SSH2: variants seen among roughly 807,000 people sequenced by gnomAD.
SSH2 encodes protein phosphatase Slingshot homolog 2.
A neutral mutation model predicts 135.2 loss-of-function variants in SSH2; 37 were observed. The ratio of observed to expected loss-of-function variants is 0.27; its 90% CI spans 0.21 to 0.36. The LOEUF is 0.36. Ranked by LOEUF, SSH2 falls within the 10% of genes least tolerant of loss-of-function variation. The pLI is 1.00. For missense variants in SSH2, 1,408 were observed against 1,765.3 expected (o/e 0.80, Z 3.63); for synonymous variants, 628 against 646.2 (o/e 0.97, Z 0.43).
Position 29,879,720 on chromosome 17 carries a change from TC to T in SSH2, c.64-30792del, listed in dbSNP as rs1372662870. Reference sequence around the variant, plus strand: ...CACCTGAAACAAAGAAGATCAACTGTCTTTTTCTTTGCAAAGTCTGCTCTAA... The same window carrying T: ...CACCTGAAACAAAGAAGATCAACTGTTTTTTCTTTGCAAAGTCTGCTCTAA... On this transcript the variant is annotated intron_variant, in intron 1 of 15. Transcript: ENST00000540801. Among the ~76,000 whole-genome samples the T allele has an allele frequency of 5.9e-5, 9 of 152,308 alleles. No individual in the cohort carries two copies. In the East Asian group the frequency reaches 1.7e-3, roughly 29 times the overall value.
intron 3 of SSH2, among the ~76,000 whole-genome samples, chr17:29,740,471 G>C (rs2040518678): frequency 6.8e-6 from 1 of 147,974 alleles, no homozygotes; most frequent in Non-Finnish European, 1.5e-5. Flanking sequence ...CAGTAAATTT[G>C]CCATAGGTGC....
intron 3 of SSH2, among the ~76,000 whole-genome samples, chr17:29,764,570 G>A (rs749460178): frequency 6.6e-6 from 1 of 152,172 alleles, no homozygotes; most frequent in Non-Finnish European, 1.5e-5. Flanking sequence ...GTCAGAAGGG[G>A]CTTTCTGTAA....
chr17:29,764,801 G>C (rs1466694399), intron 3 of SSH2, among the ~76,000 whole-genome samples: 1 of 152,190 alleles, frequency 6.6e-6, no homozygotes, highest in Non-Finnish European at 1.5e-5. Context: ...TGCTTAAGTA[G>C]AAAATGCTTA....
intron 2 of SSH2, among the ~76,000 whole-genome samples, chr17:29,832,688 T>A (rs556315345): frequency 6.6e-6 from 1 of 152,302 alleles, no homozygotes; most frequent in East Asian, 1.9e-4. Context: ...CTTTTCTTTT[T>A]TTGAGACAGT....
At position 29,630,869 on chromosome 17, in the gene SSH2, G is replaced by T. The variant is rs748527974; in HGVS notation, c.4325C>A (p.Thr1442Lys). The change falls in exon 16 of 16, where the codon ACA becomes AAA. Residue 1442 changes from threonine (T) to lysine (K), a missense_variant. This residue lies in a region of SSH2 where 1,080 missense variants were observed against 1,144.5 expected (regional missense o/e 0.94). Transcript: ENST00000540801. The stretch of plus-strand genomic sequence containing the variant: ...CATGGTATTATAGAAGGGGTTGGTT[G>T]TCCGTTTTTTGTCATTTGCCTTTTT... ...RLKKANDKKR[T>K]TNPFYNTM 1 of 1,565,708 alleles carries T rather than the reference G, an allele frequency of 6.4e-7. No individual in the cohort carries two copies. The highest frequency in any genetic ancestry group is 8.7e-7 in the Non-Finnish European group (1 of 1,151,566).
intron 3 of SSH2, among the ~76,000 whole-genome samples, chr17:29,763,935 C>T (rs1451384910): frequency 4.8e-5 from 7 of 145,900 alleles, no homozygotes; most frequent in Non-Finnish European, 1.1e-4. Flanking sequence ...AGTGCTAGAA[C>T]ATGTCTCCTG....
intron 1 of SSH2, among the ~76,000 whole-genome samples, chr17:29,852,232 A>G (rs2065575582): frequency 1.3e-5 from 2 of 151,900 alleles, no homozygotes; most frequent in Admixed American, 1.3e-4. Flanking sequence ...CAGTGAGCCA[A>G]GATCACGCCA....
At chr17:29,851,482 C>T (rs1353269014) in intron 1 of SSH2, among the ~76,000 whole-genome samples, 6 of 151,932 alleles carry the variant, frequency 3.9e-5, no homozygotes, top group Admixed American at 3.9e-4. Flanking sequence ...ATCCCAGCTA[C>T]CCTGGAGGCT....
chr17:29,857,541 G>C (rs940861065), intron 1 of SSH2, among the ~76,000 whole-genome samples: 1 of 152,146 alleles, frequency 6.6e-6, no homozygotes, highest in African/African-American at 2.4e-5. Context: ...CCAGGCTGAA[G>C]TACAGTGGCA....
intron 2 of SSH2, among the ~76,000 whole-genome samples, chr17:29,811,689 C>G (rs951086873): frequency 2.0e-5 from 3 of 152,074 alleles, no homozygotes; most frequent in African/African-American, 2.4e-5. Flanking sequence ...CCACCTCAGC[C>G]TCCCAACTAG....
chr17:29,743,993 C>G (rs1461815292), intron 3 of SSH2, among the ~76,000 whole-genome samples: 2 of 142,844 alleles, frequency 1.4e-5, no homozygotes, highest in Admixed American at 7.4e-5. Context: ...TGTGGAGAAT[C>G]CTATCATAAA....
intron 2 of SSH2, among the ~76,000 whole-genome samples, chr17:29,813,504 T>C (rs934562531): frequency 6.6e-6 from 1 of 151,784 alleles, no homozygotes; most frequent in African/African-American, 2.4e-5. Flanking sequence ...AAGGATGCTG[T>C]ACTATATTTT....
At chr17:29,708,524 A>T (rs1395679152) in intron 3 of SSH2, among the ~76,000 whole-genome samples, 2 of 145,840 alleles carry the variant, frequency 1.4e-5, no homozygotes, top group Non-Finnish European at 3.0e-5. Context: ...TGGGAGGCGG[A>T]GGTTGCAGTG....
chr17:29,744,787 C>T (rs2040696825), intron 3 of SSH2, among the ~76,000 whole-genome samples: 1 of 151,606 alleles, frequency 6.6e-6, no homozygotes, highest in African/African-American at 2.4e-5. Flanking sequence ...CGACGTGATG[C>T]TGATGTAATA....
At chr17:29,689,796 C>T (rs997435783) in intron 5 of SSH2, among the ~76,000 whole-genome samples, 2 of 151,988 alleles carry the variant, frequency 1.3e-5, no homozygotes, top group Admixed American at 6.6e-5. Flanking sequence ...AAGCAGTTTA[C>T]AAACTGGGCA....
intron 14 of SSH2, chr17:29,642,955 A>T: frequency 4.7e-6 from 1 of 212,274 alleles, no homozygotes; most frequent in Non-Finnish European, 8.1e-6. Context: ...ACCGAATGCT[A>T]GGATCAGGGC....
intron 10 of SSH2, 57 bp from the exon 11 acceptor site, chr17:29,667,052 C>A: frequency 1.2e-6 from 2 of 1,611,148 alleles, no homozygotes; most frequent in South Asian, 2.2e-5. Flanking sequence ...TACTTTCAAC[C>A]ATGCACTATT....
At chr17:29,915,805 A>C (rs1398752598) in intron 1 of SSH2, among the ~76,000 whole-genome samples, 2 of 151,830 alleles carry the variant, frequency 1.3e-5, no homozygotes, top group Non-Finnish European at 2.9e-5. Flanking sequence ...TGAAATAACA[A>C]AAATTTATTT....
At chr17:29,798,066 G>A (rs950532535) in intron 2 of SSH2, among the ~76,000 whole-genome samples, 1 of 152,058 alleles carries the variant, frequency 6.6e-6, no homozygotes, top group Admixed American at 6.6e-5. Context: ...TCAACAATGC[G>A]TGAGAGTTAT....
Sources: gnomAD v4.1 joint callset for allele counts (sites outside exome capture counted in the v4.1 genomes callset) on GRCh38, gnomAD v4.1.1 for gene constraint, gnomAD v4.1.1 regional missense constraint, MANE v1.5 for transcripts, NCBI Gene and HGNC (gene_info 2026-07-23, HGNC 2026-07-21) for gene names.